The following DZANK1 variants were observed in gnomAD, a reference collection of about 807,000 sequenced individuals.
DZANK1 encodes double zinc ribbon and ankyrin repeat-containing protein 1.
DZANK1 carries 91 observed loss-of-function variants against 94.5 expected under a neutral mutation model. The observed-to-expected ratio is 0.96, with a 90% confidence interval of 0.81 to 1.15. The LOEUF (loss-of-function observed/expected upper bound fraction) is 1.15, where lower values mean the gene tolerates loss of function less well. DZANK1 is among the 50% of genes most tolerant of loss of function. The pLI is 0.00. For synonymous variants in DZANK1, 312 were observed against 325.3 expected (o/e 0.96, Z 0.44); for missense variants, 903 against 916.4 (o/e 0.99, Z 0.19).
chr20:18,451,746 C>T (rs902423163), intron 6 of DZANK1: 1 of 421,382 alleles, frequency 2.4e-6, no homozygotes, highest in African/African-American at 2.1e-5. Flanking sequence ...CCCTGAGAGG[C>T]AGACTTGGCT....
intron 8 of DZANK1, among the ~76,000 whole-genome samples, chr20:18,440,625 A>C (rs529970049): frequency 1.5e-4 from 23 of 152,278 alleles, no homozygotes; most frequent in Non-Finnish European, 1.5e-4. Context: ...AACCACCCAC[A>C]ACCCCCTGTG....
chr20:18,459,857 C>CCCCG (rs1266126719), intron 3 of DZANK1, among the ~76,000 whole-genome samples: 1 of 152,070 alleles, frequency 6.6e-6, no homozygotes, highest in African/African-American at 2.4e-5. Flanking sequence ...CTTTAGAGAC[C>CCCCG]CCCGGCCCTG....
chr20:18,399,731 C>G (rs2056568422), intron 13 of DZANK1, among the ~76,000 whole-genome samples: 1 of 152,206 alleles, frequency 6.6e-6, no homozygotes, highest in African/African-American at 2.4e-5. Flanking sequence ...TTCTCATATG[C>G]AGGCGGAAGA....
intron 8 of DZANK1, among the ~76,000 whole-genome samples, chr20:18,439,270 C>T (rs979596165): frequency 6.6e-6 from 1 of 152,152 alleles, no homozygotes; most frequent in African/African-American, 2.4e-5. Context: ...GGGAAGCGTT[C>T]AAGGAAGACT....
exon 17 of DZANK1, chr20:18,393,796 T>G: frequency 6.2e-7 from 1 of 1,611,880 alleles, no homozygotes; most frequent in South Asian, 1.1e-5. Flanking sequence ...TGAGGTACTC[T>G]GGCTGTAGTC....
intron 7 of DZANK1, among the ~76,000 whole-genome samples, chr20:18,446,056 C>A (rs546740984): frequency 7.0e-6 from 1 of 143,726 alleles, no homozygotes; most frequent in African/African-American, 2.6e-5. Flanking sequence ...TGGGCCACCA[C>A]GCCCAGCCAA....
intron 9 of DZANK1, 89 bp downstream of exon 9, chr20:18,433,563 C>A: frequency 1.6e-6 from 2 of 1,223,244 alleles, no homozygotes; most frequent in South Asian, 1.3e-5. Flanking sequence ...AAAATTGTTA[C>A]CCCATCCCAC....
chr20:18,410,364 G>C (rs1209183633), intron 13 of DZANK1, among the ~76,000 whole-genome samples: 3 of 152,102 alleles, frequency 2.0e-5, no homozygotes, highest in African/African-American at 7.2e-5. Context: ...TTGAAGTATA[G>C]TCTGTTAAGA....
chr20:18,389,633 G>A, intron 19 of DZANK1, 68 bp downstream of exon 19: 1 of 1,592,884 alleles, frequency 6.3e-7, no homozygotes, highest in Non-Finnish European at 8.6e-7. Context: ...GACCGCTTCT[G>A]CTGCAGTGGA....
intron 19 of DZANK1, among the ~76,000 whole-genome samples, chr20:18,386,605 T>C (rs755262658): frequency 1.3e-5 from 2 of 151,686 alleles, no homozygotes; most frequent in Non-Finnish European, 2.9e-5. Flanking sequence ...TCTCGAAAGA[T>C]AGAAGAGAAA....
chr20:18,434,474 G>A (rs1242985271), intron 8 of DZANK1, among the ~76,000 whole-genome samples: 1 of 150,816 alleles, frequency 6.6e-6, no homozygotes, highest in Non-Finnish European at 1.5e-5. Context: ...GAAGCCAGGA[G>A]GCAGAGGTTG....
At chr20:18,438,609 T>C (rs1221611124) in intron 8 of DZANK1, among the ~76,000 whole-genome samples, 2 of 152,230 alleles carry the variant, frequency 1.3e-5, no homozygotes, top group Non-Finnish European at 2.9e-5. Context: ...TTGGGGATGA[T>C]AAGAAGGTCA....
intron 3 of DZANK1, among the ~76,000 whole-genome samples, chr20:18,457,639 C>A (rs2059335422): frequency 6.6e-6 from 1 of 152,150 alleles, no homozygotes. Context: ...TTGCGTTTAT[C>A]CTCATGGCCC....
intron 20 of DZANK1, 48 bp from the exon 21 acceptor site, chr20:18,384,612 G>A (rs2048372913): frequency 1.3e-6 from 2 of 1,521,062 alleles, no homozygotes; most frequent in African/African-American, 2.7e-5. Context: ...ACTTGAACAT[G>A]TGACCCTAAG....
At chr20:18,401,971 A>T (rs1398176113) in intron 13 of DZANK1, among the ~76,000 whole-genome samples, 1 of 152,160 alleles carries the variant, frequency 6.6e-6, no homozygotes, top group Non-Finnish European at 1.5e-5. Context: ...CTCTGCAGAC[A>T]ATCTACCACA....
chr20:18,389,746 G>A, exon 19 of DZANK1: 3 of 1,613,946 alleles, frequency 1.9e-6, no homozygotes, highest in African/African-American at 1.3e-5. Flanking sequence ...CACGAGAACT[G>A]GAATCGCTTC....
Position 18,448,203 on chromosome 20 carries a change from A to T in DZANK1, c.629+781T>A, listed in dbSNP as rs145442334. Among the ~76,000 whole-genome samples, 538 of 152,358 alleles carry T rather than the reference A, an allele frequency of 3.5e-3. 1 individual carries two copies. The highest frequency in any genetic ancestry group is 6.8e-3 in the Middle Eastern group (2 of 292). ...CCATACAATGGACTGTAGTTCAACA[A>T]TAAAAAGAAACGGATGTTTGTTACA... On this transcript the variant is annotated intron_variant, in intron 7 of 20. Coordinates refer to ENST00000262547, the Ensembl canonical transcript of DZANK1.
At chr20:18,416,301 C>T (rs917636202) in intron 10 of DZANK1, among the ~76,000 whole-genome samples, 1 of 152,228 alleles carries the variant, frequency 6.6e-6, no homozygotes, top group Non-Finnish European at 1.5e-5. Context: ...GACGATTACC[C>T]ACAGTTAAGT....
chr20:18,443,441 C>CG lies in DZANK1; in HGVS notation c.652dup (p.Arg218ProfsTer54). Reference sequence around the variant, plus strand: ...GAAGCGAGCAAAGGGATCTGATGGCCGGGGGGCAAGGCAGTGGGCACACCT... The same window carrying CG: ...GAAGCGAGCAAAGGGATCTGATGGCCGGGGGGGCAAGGCAGTGGGCACACCT... On this transcript the variant is annotated frameshift_variant, in exon 8 of 21. Transcript: ENST00000262547. LOFTEE classifies it high-confidence loss of function. 2.7e-6 allele frequency: 4 copies of CG among 1,495,280 alleles called. No homozygotes were observed. The highest frequency in any genetic ancestry group is 2.7e-6 in the Non-Finnish European group (3 of 1,121,898). The allele number at this position is 1,495,280 out of a possible 1,614,324, so 92.6% of individuals were successfully genotyped here.
Sources: allele counts gnomAD v4.1 joint callset (sites outside exome capture counted in the v4.1 genomes callset), GRCh38; gene constraint gnomAD v4.1.1; transcripts MANE v1.5; gene names NCBI Gene and HGNC (gene_info 2026-07-23, HGNC 2026-07-21).